SFRP1: variants seen among roughly 807,000 people sequenced by gnomAD.
SFRP1 encodes secreted frizzled-related protein 1.
A neutral mutation model predicts 25.9 loss-of-function variants in SFRP1; 9 were observed. The observed-to-expected ratio is 0.35, with a 90% CI of 0.21 to 0.61. The LOEUF is 0.61. Among genes scored for constraint, SFRP1 ranks in the 20% least tolerant of loss-of-function variants. The probability of loss-of-function intolerance (pLI) is 0.78; values close to 1 mark genes in which losing one functional copy is unlikely to be tolerated. For missense variants in SFRP1, 346 were observed against 418.2 expected (o/e 0.83, Z 1.51); for synonymous variants, 178 against 174.0 (o/e 1.02, Z -0.18).
intron 2 of SFRP1, among the ~76,000 whole-genome samples, chr8:41,289,616 T>G (rs1353385036): frequency 6.6e-6 from 1 of 152,274 alleles, no homozygotes; most frequent in African/African-American, 2.4e-5. Context: ...AGCACCGCCT[T>G]TATGTCAATC....
At chr8:41,291,190 G>A (rs769001347) in intron 2 of SFRP1, among the ~76,000 whole-genome samples, 1 of 151,892 alleles carries the variant, frequency 6.6e-6, no homozygotes, top group Admixed American at 6.6e-5. Context: ...TTACAGGCAT[G>A]AGTCACCACG....
chr8:41,265,119 C>CCCCCCCCCCCCCCCCCCAG lies in SFRP1; in HGVS notation c.*47_*48insCTGGGGGGGGGGGGGGGGG. 1 of 464,792 alleles carries CCCCCCCCCCCCCCCCCCAG rather than the reference C, an allele frequency of 2.2e-6. No homozygotes were observed. 28.8% of individuals were successfully genotyped at this position (464,792 alleles called of 1,614,324 possible). A position where few individuals can be genotyped will look rare whatever the true frequency, so the allele number is the denominator to read the frequency against. ...CGGGTTCCCGGGGCACTGTCCCCCC[C>CCCCCCCCCCCCCCCCCCAG]GCTCCCACCCCACCCGAGGCTCCCT... On this transcript the variant is annotated 3_prime_UTR_variant, in exon 3 of 3. Coordinates refer to ENST00000220772, the MANE Select transcript of SFRP1 (RefSeq NM_003012.5).
intron 2 of SFRP1, among the ~76,000 whole-genome samples, chr8:41,271,985 A>T (rs1014872431): frequency 6.6e-6 from 1 of 152,164 alleles, no homozygotes; most frequent in Non-Finnish European, 1.5e-5. Context: ...GTTTTAAATG[A>T]TAATAAATTA....
intron 2 of SFRP1, among the ~76,000 whole-genome samples, chr8:41,276,804 G>A (rs945519489): frequency 1.3e-5 from 2 of 152,218 alleles, no homozygotes; most frequent in African/African-American, 4.8e-5. Context: ...AAGTTGTCCT[G>A]TTTTCTGGAC....
intron 2 of SFRP1, among the ~76,000 whole-genome samples, chr8:41,287,526 C>A (rs1393699330): frequency 6.6e-6 from 1 of 152,204 alleles, no homozygotes; most frequent in Non-Finnish European, 1.5e-5. Flanking sequence ...GGGCTCTGTT[C>A]CCTCTTTAGG....
At chr8:41,288,310 T>C (rs905570598) in intron 2 of SFRP1, among the ~76,000 whole-genome samples, 1 of 151,892 alleles carries the variant, frequency 6.6e-6, no homozygotes, top group African/African-American at 2.4e-5. Context: ...TGAGCCAAAA[T>C]CGTGCCATTG....
chr8:41,294,114 G>A (rs907667523), intron 2 of SFRP1, among the ~76,000 whole-genome samples: 3 of 152,122 alleles, frequency 2.0e-5, no homozygotes, highest in Admixed American at 6.5e-5. Flanking sequence ...AGTGGAAGGC[G>A]CCCAGACTGT....
At chr8:41,282,620 C>A (rs2117495050) in intron 2 of SFRP1, among the ~76,000 whole-genome samples, 1 of 151,092 alleles carries the variant, frequency 6.6e-6, no homozygotes, top group African/African-American at 2.5e-5. Context: ...AAAATAAGCT[C>A]AAGCATGGGA....
intron 2 of SFRP1, among the ~76,000 whole-genome samples, chr8:41,297,189 G>A (rs192976804): frequency 1.3e-4 from 20 of 152,158 alleles, no homozygotes; most frequent in East Asian, 3.9e-4. Flanking sequence ...GATTACAAGC[G>A]CCTGCCACCA....
At chr8:41,269,877 G>C (rs1803482103) in intron 2 of SFRP1, among the ~76,000 whole-genome samples, 2 of 152,340 alleles carry the variant, frequency 1.3e-5, no homozygotes, top group Admixed American at 1.3e-4. Context: ...GAGGGAAAGA[G>C]GGACATACTA....
rs892185838 is a variant in SFRP1, at chr8:41,263,962, A to G, written c.*1205T>C. ...ATGTTTCTTTACAGGAAAGAAAAAA[A>G]CGGAAAGCTCTGTGAGTTTTGCTAG... On this transcript the variant is annotated 3_prime_UTR_variant, in exon 3 of 3. Transcript: ENST00000220772. 7.9e-5 allele frequency: 12 copies of G among 152,300 alleles called. No individual in the cohort carries two copies. The highest frequency in any genetic ancestry group is 2.9e-4 in the African/African-American group (12 of 41,574). The allele number at this position is 152,300 out of a possible 1,614,324, so 9.4% of individuals were successfully genotyped here.
rs749329501 is a variant in SFRP1 at position 41,303,554 on chromosome 8, G to A, written c.545-16C>T. ...ACCGTTGTGCCTGGGAAAGGAAGTA[G>A]GGAGAAACGGAACTGTAAGTTACAG... is the stretch of plus-strand genomic sequence containing the variant. On this transcript the variant is annotated splice_polypyrimidine_tract_variant and intron_variant, in intron 1 of 2. Transcript: ENST00000220772. 6.2e-7 allele frequency: 1 copy of A among 1,605,116 alleles called. No homozygotes were observed. Among genetic ancestry groups the A allele is most frequent in the Non-Finnish European group, 8.5e-7 (1 of 1,171,890 alleles).
At chr8:41,269,916 AAG>A (rs1803482996) in intron 2 of SFRP1, among the ~76,000 whole-genome samples, 1 of 152,184 alleles carries the variant, frequency 6.6e-6, no homozygotes, top group African/African-American at 2.4e-5. Flanking sequence ...TGAAAGGAAG[AAG>A]AGTTACTGTA....
chr8:41,271,979 T>C (rs1803515865), intron 2 of SFRP1, among the ~76,000 whole-genome samples: 1 of 151,986 alleles, frequency 6.6e-6, no homozygotes, highest in Admixed American at 6.6e-5. Context: ...AAAATTGTTT[T>C]AAATGATAAT....
rs1803387400 is a variant in SFRP1, at chr8:41,262,485, G to C, written c.*2682C>G. ...CTTGATGCTAACCCACAGGTACCAA[G>C]AGCCAAGTGTTACACAGGATATTTT... On this transcript the variant is annotated 3_prime_UTR_variant, in exon 3 of 3. Transcript: ENST00000220772. The C allele has an allele frequency of 2.0e-5, 3 of 152,198 alleles. No individual in the cohort carries two copies. Among genetic ancestry groups the C allele is most frequent in the Admixed American group, 6.5e-5 (1 of 15,280 alleles). The allele number at this position is 152,198 out of a possible 1,614,324, so 9.4% of individuals were successfully genotyped here. A position where few individuals can be genotyped will look rare whatever the true frequency, so the allele number is the denominator to read the frequency against.
Position 41,303,455 on chromosome 8 carries a change from T to C in SFRP1, c.622+6A>G. On this transcript the variant is annotated splice_donor_region_variant and intron_variant, in intron 2 of 2. Transcript: ENST00000220772. ...CTTCCAGAGGCAGCTAGAAACGCTT[T>C]CTTACCAAACTCGCTGGCACAGAGA... 6.2e-7 allele frequency: 1 copy of C among 1,612,786 alleles called. No individual in the cohort carries two copies. Among genetic ancestry groups the C allele is most frequent in the Non-Finnish European group, 8.5e-7 (1 of 1,178,952 alleles).
intron 1 of SFRP1, among the ~76,000 whole-genome samples, chr8:41,304,917 A>T (rs921505436): frequency 6.6e-6 from 1 of 152,118 alleles, no homozygotes; most frequent in Admixed American, 6.5e-5. Flanking sequence ...CAGTGCAGTT[A>T]AGAACCACGC....
intron 2 of SFRP1, among the ~76,000 whole-genome samples, chr8:41,286,858 CCCACCAACACAG>C (rs1803712119): frequency 6.6e-6 from 1 of 152,222 alleles, no homozygotes; most frequent in Admixed American, 6.5e-5. Flanking sequence ...GGAAGGTTCA[CCCACCAACACAG>C]CCAACTTCTG....
rs114837947 is a variant in SFRP1 at position 41,288,421 on chromosome 8, C to T, written c.622+15040G>A. Reference sequence around the variant, plus strand: ...GGTGTGATGCTATGCACCTGCAGTCCCTGTACTTGGGAGACTGAGGCAGAA... The same window carrying T: ...GGTGTGATGCTATGCACCTGCAGTCTCTGTACTTGGGAGACTGAGGCAGAA... On this transcript the variant is annotated intron_variant, in intron 2 of 2. Coordinates refer to ENST00000220772, the MANE Select transcript of SFRP1 (RefSeq NM_003012.5). Among the ~76,000 whole-genome samples the T allele has an allele frequency of 3.8e-3, 568 of 151,092 alleles. 4 individuals are homozygous for T. The highest frequency in any genetic ancestry group is 0.013 in the African/African-American group (550 of 41,230).
Sources: allele counts gnomAD v4.1 joint callset (sites outside exome capture counted in the v4.1 genomes callset), GRCh38; gene constraint gnomAD v4.1.1; transcripts MANE v1.5; gene names NCBI Gene and HGNC (gene_info 2026-07-23, HGNC 2026-07-21).